The following NUP210L variants were observed in gnomAD, a reference collection of about 807,000 sequenced individuals.
NUP210L encodes nucleoporin 210 like, also known as nuclear pore membrane glycoprotein 210-like.
Under a neutral mutation model 208.5 loss-of-function variants are expected in NUP210L, and 74 were observed. That is an observed-to-expected ratio of 0.35 (90% confidence interval 0.29 to 0.43). NUP210L has a LOEUF of 0.43. Ranked by LOEUF, NUP210L falls within the 20% of genes least tolerant of loss-of-function variation. The pLI, the probability that NUP210L is intolerant of heterozygous loss-of-function variation, is 1.00. For synonymous variants in NUP210L, 780 were observed against 816.9 expected, an observed-to-expected ratio of 0.95 and a Z score of 0.77; for missense variants, 1,843 against 2,289.4, an observed-to-expected ratio of 0.81 and a Z score of 3.98.
intron 17 of NUP210L, among the ~76,000 whole-genome samples, chr1:154,066,528 A>G (rs903939320): frequency 2.0e-5 from 3 of 152,148 alleles, no homozygotes; most frequent in Non-Finnish European, 4.4e-5. Flanking sequence ...GGAGAATGGT[A>G]TGAACCCGGG....
At chr1:154,072,930 T>C (rs1442055333) in intron 16 of NUP210L, among the ~76,000 whole-genome samples, 1 of 152,172 alleles carries the variant, frequency 6.6e-6, no homozygotes, top group Non-Finnish European at 1.5e-5. Context: ...TGGAACTTAA[T>C]TAAACTAAAG....
At position 154,078,238 on chromosome 1, in the gene NUP210L, G is replaced by A. The variant is rs1048355662; in HGVS notation, c.2362-7773C>T. Among the ~76,000 whole-genome samples, 8 of 151,956 alleles carry A rather than the reference G, an allele frequency of 5.3e-5. No homozygotes were observed. The East Asian group carries it at 9.7e-4, about 18-fold the overall frequency. Reference sequence around the variant, plus strand: ...AGGCTGGGGTGGGAGGATCCTTTGAGCTGGGGAGGTGGAGGTTACGGTGAA... The same window carrying A: ...AGGCTGGGGTGGGAGGATCCTTTGAACTGGGGAGGTGGAGGTTACGGTGAA... On this transcript the variant is annotated intron_variant, in intron 16 of 39. Transcript: ENST00000368559.
intron 37 of NUP210L, among the ~76,000 whole-genome samples, chr1:154,000,552 T>A (rs548087500): frequency 2.0e-5 from 3 of 152,174 alleles, no homozygotes; most frequent in Non-Finnish European, 4.4e-5. Context: ...TGATACCAGT[T>A]GATTTGATAG....
chr1:154,138,169 A>G, exon 6 of NUP210L: 1 of 1,541,684 alleles, frequency 6.5e-7, no homozygotes, highest in Non-Finnish European at 8.7e-7. Context: ...ACTAAGAGAT[A>G]AATATCATGG....
chr1:154,125,674 GAA>G (rs1230520479), intron 10 of NUP210L, among the ~76,000 whole-genome samples: 9 of 2,994 alleles, frequency 3.0e-3, no homozygotes, highest in Non-Finnish European at 9.5e-3. Context: ...AGGAAGGAAG[GAA>G]GGAAGGAAGG....
intron 10 of NUP210L, among the ~76,000 whole-genome samples, chr1:154,119,721 G>A (rs1436800135): frequency 6.6e-6 from 1 of 152,168 alleles, no homozygotes; most frequent in Non-Finnish European, 1.5e-5. Flanking sequence ...CACATATACT[G>A]AGGGACAATT....
chr1:154,027,312 C>T (rs1651950244), intron 29 of NUP210L, among the ~76,000 whole-genome samples, 194 bp downstream of exon 29: 3 of 152,020 alleles, frequency 2.0e-5, no homozygotes. Flanking sequence ...GCTGAATACA[C>T]AATATTGTGA....
At chr1:154,021,652 G>A (rs1470348438) in intron 32 of NUP210L, among the ~76,000 whole-genome samples, 1 of 152,024 alleles carries the variant, frequency 6.6e-6, no homozygotes, top group African/African-American at 2.4e-5. Context: ...TTTCCTTCCT[G>A]TTATCCTTTA....
chr1:154,137,658 T>C (rs1470428951), intron 6 of NUP210L, among the ~76,000 whole-genome samples: 1 of 151,944 alleles, frequency 6.6e-6, no homozygotes, highest in Admixed American at 6.6e-5. Flanking sequence ...AATGTTGCAA[T>C]GAGCCATGAT....
intron 12 of NUP210L, among the ~76,000 whole-genome samples, chr1:154,117,247 G>A (rs1380141983): frequency 6.6e-6 from 1 of 152,134 alleles, no homozygotes; most frequent in Non-Finnish European, 1.5e-5. Flanking sequence ...TGACTATTAA[G>A]TGAAGCAAGA....
chr1:154,067,309 A>T (rs555527074), intron 17 of NUP210L, among the ~76,000 whole-genome samples: 39 of 152,294 alleles, frequency 2.6e-4, no homozygotes, highest in African/African-American at 8.9e-4. Context: ...CAATAAACAT[A>T]ATCCATCACA....
intron 35 of NUP210L, among the ~76,000 whole-genome samples, chr1:154,004,367 CCTT>C (rs1650386052): frequency 6.6e-6 from 1 of 150,492 alleles, no homozygotes; most frequent in African/African-American, 2.4e-5. Context: ...CTGCGCCCGG[CCTT>C]CTTTTTTTTT....
intron 27 of NUP210L, among the ~76,000 whole-genome samples, chr1:154,034,195 T>C (rs2147949054): frequency 6.6e-6 from 1 of 152,294 alleles, no homozygotes; most frequent in South Asian, 2.1e-4. Flanking sequence ...ACTGGCCTCA[T>C]AGAATGAGTT....
At position 153,995,563 on chromosome 1, in the gene NUP210L, C is replaced by T. The variant is rs146234162; in HGVS notation, c.5387-383G>A. 2.1e-3 allele frequency: 1,507 copies of T among 708,644 alleles called. 16 individuals are homozygous for T. In the African/African-American group the frequency reaches 0.023, roughly 11 times the overall value. 43.9% of individuals were successfully genotyped at this position (708,644 alleles called of 1,614,324 possible). ...TTAGATTTCAAAGGATGCTTTAAATCCTCTGCTACTTTAAAATGCTGGTTA... is the reference window on the plus strand; with the variant it reads ...TTAGATTTCAAAGGATGCTTTAAATTCTCTGCTACTTTAAAATGCTGGTTA... On this transcript the variant is annotated intron_variant, in intron 37 of 39. Coordinates refer to ENST00000368559, the Ensembl canonical transcript of NUP210L.
chr1:154,053,116 C>A (rs1355898991), intron 25 of NUP210L, among the ~76,000 whole-genome samples: 1 of 152,208 alleles, frequency 6.6e-6, no homozygotes, highest in Non-Finnish European at 1.5e-5. Context: ...GGACACTCTG[C>A]AAACTTGTCT....
chr1:154,016,340 GA>G (rs2147918042), intron 33 of NUP210L, among the ~76,000 whole-genome samples: 1 of 152,138 alleles, frequency 6.6e-6, no homozygotes, highest in African/African-American at 2.4e-5. Flanking sequence ...AATGAAAAAA[GA>G]GGATCAAAGA....
chr1:154,083,239 G>A (rs540898267), intron 16 of NUP210L, among the ~76,000 whole-genome samples: 1 of 152,300 alleles, frequency 6.6e-6, no homozygotes, highest in Admixed American at 6.5e-5. Flanking sequence ...ACAGAGCACT[G>A]ATTGGTCCAT....
At position 154,009,955 on chromosome 1, in the gene NUP210L, C is replaced by T; in HGVS notation, c.4930+17G>A. 4 of 1,591,158 alleles carry T rather than the reference C, an allele frequency of 2.5e-6. No homozygotes were observed. Among genetic ancestry groups the T allele is most frequent in the Non-Finnish European group, 3.4e-6 (4 of 1,167,896 alleles). On this transcript the variant is annotated intron_variant, in intron 35 of 39. Transcript: ENST00000368559. ...ATAAACAGAATGGGGAAACCAGATT[C>T]AACTGGTGTAACTTACCTTTCTCCA...
chr1:154,008,829 T>C (rs1347822126), intron 35 of NUP210L, among the ~76,000 whole-genome samples: 1 of 152,200 alleles, frequency 6.6e-6, no homozygotes, highest in African/African-American at 2.4e-5. Context: ...CCTTCAGTGG[T>C]TGCTCATGAC....
Sources: gnomAD v4.1 joint callset for allele counts (sites outside exome capture counted in the v4.1 genomes callset) on GRCh38, gnomAD v4.1.1 for gene constraint, MANE v1.5 for transcripts, NCBI Gene and HGNC (gene_info 2026-07-23, HGNC 2026-07-21) for gene names.